Variants in LUC7L2 observed in about 807,000 individuals in gnomAD.
LUC7L2 encodes putative RNA-binding protein Luc7-like 2.
LUC7L2 carries 25 observed loss-of-function variants against 52.8 expected under a neutral mutation model. The ratio of observed to expected loss-of-function variants is 0.47; its 90% CI spans 0.34 to 0.66. The LOEUF (loss-of-function observed/expected upper bound fraction) is 0.66, where lower values mean the gene tolerates loss of function less well. Ranked by LOEUF, LUC7L2 falls within the 30% of genes least tolerant of loss-of-function variation. The pLI, the probability that LUC7L2 is intolerant of heterozygous loss-of-function variation, is 0.01. For missense variants in LUC7L2, 328 were observed against 497.8 expected, an observed-to-expected ratio of 0.66 and a Z score of 3.25; for synonymous variants, 144 against 160.9, an observed-to-expected ratio of 0.89 and a Z score of 0.80.
At chr7:139,375,641 T>G in intron 1 of LUC7L2, 1 of 977,292 alleles carries the variant, frequency 1.0e-6, no homozygotes, top group Non-Finnish European at 1.2e-6. Context: ...AATAAAAATA[T>G]ATCAATGCTT....
At chr7:139,342,107 T>A (rs1027950907) in intron 1 of LUC7L2, among the ~76,000 whole-genome samples, 1 of 152,100 alleles carries the variant, frequency 6.6e-6, no homozygotes, top group Non-Finnish European at 1.5e-5. Context: ...GAACTCAAAT[T>A]CACCTAGTTT....
chr7:139,374,329 C>A, intron 1 of LUC7L2: 2 of 1,062,714 alleles, frequency 1.9e-6, no homozygotes, highest in Non-Finnish European at 2.8e-6. Context: ...CTTCTAGATG[C>A]TGTATTGAAA....
intron 2 of LUC7L2, among the ~76,000 whole-genome samples, chr7:139,384,710 C>T (rs771950319): frequency 1.3e-5 from 2 of 152,034 alleles, no homozygotes; most frequent in African/African-American, 4.8e-5. Flanking sequence ...GGGGTACTCA[C>T]GCCCTTTGGA....
intron 8 of LUC7L2, among the ~76,000 whole-genome samples, chr7:139,413,437 T>C (rs891628085): frequency 3.3e-5 from 5 of 152,198 alleles, no homozygotes; most frequent in Admixed American, 6.5e-5. Flanking sequence ...CTAGAGACTA[T>C]TTCCCAAGAA....
chr7:139,414,739 C>G (rs1795513183), intron 8 of LUC7L2, among the ~76,000 whole-genome samples: 1 of 152,200 alleles, frequency 6.6e-6, no homozygotes, highest in Admixed American at 6.5e-5. Flanking sequence ...TTCCCTCAGC[C>G]TGAAGCACTC....
intron 1 of LUC7L2, among the ~76,000 whole-genome samples, chr7:139,352,904 T>C (rs1294127578): frequency 6.6e-6 from 1 of 152,168 alleles, no homozygotes; most frequent in African/African-American, 2.4e-5. Context: ...AAAATCTACA[T>C]TAATAGGCAC....
intron 2 of LUC7L2, among the ~76,000 whole-genome samples, chr7:139,390,741 A>T (rs919263648): frequency 6.6e-6 from 1 of 151,830 alleles, no homozygotes. Context: ...TATTTTTAGT[A>T]GAGACGGGAT....
In LUC7L2 at chr7:139,360,188, T is replaced by G; in HGVS notation, c.-74T>G. The G allele has an allele frequency of 3.6e-6, 4 of 1,106,244 alleles. No individual in the cohort carries two copies. The highest frequency in any genetic ancestry group is 5.2e-6 in the Non-Finnish European group (4 of 768,010). 68.5% of individuals were successfully genotyped at this position (1,106,244 alleles called of 1,614,324 possible). A position where few individuals can be genotyped will look rare whatever the true frequency, so the allele number is the denominator to read the frequency against. On this transcript the variant is annotated 5_prime_UTR_variant, in exon 1 of 10. Transcript: ENST00000354926. ...ACAGCAGCGCACCTTCCCCCATCCC[T>G]TCCCCTTATCCCCCAGCCCAAAAGG...
chr7:139,405,170 G>T (rs1267164713), intron 4 of LUC7L2, among the ~76,000 whole-genome samples: 4 of 152,218 alleles, frequency 2.6e-5, no homozygotes, highest in African/African-American at 9.7e-5. Context: ...TACAGAAATG[G>T]CCCTTGAGTT....
intron 1 of LUC7L2, among the ~76,000 whole-genome samples, chr7:139,369,423 A>G (rs900864793): frequency 6.6e-6 from 1 of 152,178 alleles, no homozygotes; most frequent in Non-Finnish European, 1.5e-5. Flanking sequence ...CCTAAAGCAC[A>G]TACCCCCCAA....
At chr7:139,412,095 G>C (rs963230317) in intron 7 of LUC7L2, among the ~76,000 whole-genome samples, 3 of 151,622 alleles carry the variant, frequency 2.0e-5, no homozygotes, top group Non-Finnish European at 2.9e-5. Context: ...TTATAATGCA[G>C]ACACTTCAAA....
At chr7:139,371,735 C>T (rs1026169156) in intron 1 of LUC7L2, among the ~76,000 whole-genome samples, 2 of 152,056 alleles carry the variant, frequency 1.3e-5, no homozygotes, top group Admixed American at 6.6e-5. Context: ...TTTTTTCCCT[C>T]CTGATATATG....
intron 1 of LUC7L2, among the ~76,000 whole-genome samples, chr7:139,350,000 C>T (rs1043574535): frequency 4.6e-5 from 7 of 152,210 alleles, no homozygotes; most frequent in African/African-American, 1.4e-4. Context: ...TCTCGGCAAC[C>T]ACTGACCTGC....
At chr7:139,405,861 T>G in intron 5 of LUC7L2, 74 bp downstream of exon 5, 1 of 1,484,726 alleles carries the variant, frequency 6.7e-7, no homozygotes, top group Non-Finnish European at 8.9e-7. Flanking sequence ...TAGATGAAAC[T>G]TCAGTATCTA....
chr7:139,381,977 C>G (rs903617990), intron 2 of LUC7L2, among the ~76,000 whole-genome samples: 3 of 149,200 alleles, frequency 2.0e-5, no homozygotes, highest in African/African-American at 7.4e-5. Context: ...CTCAGCCTCC[C>G]AGGTTCAAGC....
At chr7:139,377,638 C>T (rs562676838) in intron 2 of LUC7L2, among the ~76,000 whole-genome samples, 2 of 151,986 alleles carry the variant, frequency 1.3e-5, no homozygotes, top group South Asian at 4.1e-4. Context: ...GTGATCCACC[C>T]GCCTTGGCCT....
intron 3 of LUC7L2, 145 bp from the exon 4 acceptor site, chr7:139,401,992 G>A (rs1794937148): frequency 4.0e-6 from 3 of 742,840 alleles, no homozygotes; most frequent in Non-Finnish European, 5.9e-6. Context: ...GTCTGCCTTA[G>A]CCTCCTAAAG....
intron 4 of LUC7L2, 135 bp from the exon 5 acceptor site, chr7:139,405,509 G>A: frequency 8.8e-7 from 1 of 1,132,802 alleles, no homozygotes; most frequent in Non-Finnish European, 1.2e-6. Flanking sequence ...AGTTCATTTG[G>A]GATACGCTCA....
At chr7:139,350,910 G>A (rs1412449973) in intron 1 of LUC7L2, among the ~76,000 whole-genome samples, 1 of 151,930 alleles carries the variant, frequency 6.6e-6, no homozygotes, top group Non-Finnish European at 1.5e-5. Flanking sequence ...TACTGACCTC[G>A]TGATTTGCCC....
Sources: gnomAD v4.1 joint callset for allele counts (sites outside exome capture counted in the v4.1 genomes callset) on GRCh38, gnomAD v4.1.1 for gene constraint, MANE v1.5 for transcripts, NCBI Gene and HGNC (gene_info 2026-07-23, HGNC 2026-07-21) for gene names.